The following TTC27 variants were observed in gnomAD, a reference collection of about 807,000 sequenced individuals.
TTC27 encodes the protein tetratricopeptide repeat domain 27.
A neutral mutation model predicts 115.9 loss-of-function variants in TTC27; 79 were observed. The ratio of observed to expected loss-of-function variants is 0.68; its 90% CI spans 0.57 to 0.82. TTC27 has a LOEUF of 0.82. Among genes scored for constraint, TTC27 ranks in the 40% least tolerant of loss-of-function variants. The pLI is 0.00. For missense variants in TTC27, 1,054 were observed against 993.1 expected (o/e 1.06, Z -0.82); for synonymous variants, 401 against 356.0 (o/e 1.13, Z -1.42).
In TTC27 at chr2:32,651,810, A is replaced by G. The variant is rs535682333; in HGVS notation, c.640+1577A>G. Among the ~76,000 whole-genome samples the G allele has an allele frequency of 2.0e-5, 3 of 152,348 alleles. No homozygotes were observed. In the East Asian group the frequency reaches 5.8e-4, roughly 29 times the overall value. On this transcript the variant is annotated intron_variant, in intron 5 of 19. Transcript: ENST00000317907. ...ACATAAACATATGCTAATCTTAGAT[A>G]AAATGACCATCTATACATAATTCAA...
rs148015794 is a variant in TTC27 at position 32,740,721 on chromosome 2, C to G, written c.1452+3905C>G. Among the ~76,000 whole-genome samples the G allele has an allele frequency of 4.3e-3, 653 of 152,322 alleles. 8 individuals are homozygous for G. The highest frequency in any genetic ancestry group is 0.015 in the African/African-American group (632 of 41,588). On this transcript the variant is annotated intron_variant, in intron 12 of 19. Coordinates refer to ENST00000317907, the MANE Select transcript of TTC27 (RefSeq NM_017735.5). ...CCAGGCTGGAGTGCAGTGGCACGATCTTAGCTCACTGCAACCTCCACCTCC... is the reference window on the plus strand; with the variant it reads ...CCAGGCTGGAGTGCAGTGGCACGATGTTAGCTCACTGCAACCTCCACCTCC...
chr2:32,739,136 ATGTT>A (rs1465306823), intron 12 of TTC27, among the ~76,000 whole-genome samples: 1 of 152,320 alleles, frequency 6.6e-6, no homozygotes, highest in African/African-American at 2.4e-5. Context: ...TAGTACTCAG[ATGTT>A]TGTTTAACAA....
intron 19 of TTC27, among the ~76,000 whole-genome samples, chr2:32,818,395 T>TA (rs766551309): frequency 1.3e-5 from 2 of 152,204 alleles, no homozygotes; most frequent in African/African-American, 2.4e-5. Flanking sequence ...GCAAAATTGT[T>TA]AAGGTAGATG....
chr2:32,703,094 T>A (rs1667246297), intron 10 of TTC27, among the ~76,000 whole-genome samples, 174 bp downstream of exon 10: 1 of 152,252 alleles, frequency 6.6e-6, no homozygotes, highest in Admixed American at 6.5e-5. Context: ...AGCCCAGCTC[T>A]GTGACTTAGC....
At chr2:32,628,512 G>T in intron 1 of TTC27, 132 bp downstream of exon 1, 1 of 938,972 alleles carries the variant, frequency 1.1e-6, no homozygotes, top group Non-Finnish European at 1.5e-6. Flanking sequence ...GCTTTGGGTC[G>T]TTTAGTCTTT....
At chr2:32,756,512 G>C (rs1002575992) in intron 12 of TTC27, among the ~76,000 whole-genome samples, 4 of 152,120 alleles carry the variant, frequency 2.6e-5, no homozygotes, top group African/African-American at 7.2e-5. Flanking sequence ...TTCAGATTAG[G>C]TCTAAAAGCA....
chr2:32,646,557 G>GC (rs1664867308), intron 4 of TTC27, among the ~76,000 whole-genome samples: 1 of 114,490 alleles, frequency 8.7e-6, no homozygotes, highest in Middle Eastern at 5.1e-3. Flanking sequence ...TCTATATTTG[G>GC]TTTTTTTTTT....
chr2:32,754,107 TAA>T (rs1052662535), intron 12 of TTC27, among the ~76,000 whole-genome samples: 5 of 146,554 alleles, frequency 3.4e-5, no homozygotes, highest in Non-Finnish European at 6.0e-5. Flanking sequence ...TAAAAATAAA[TAA>T]AAAATTAAAG....
chr2:32,725,937 T>C (rs1052278346), intron 10 of TTC27, among the ~76,000 whole-genome samples: 1 of 152,256 alleles, frequency 6.6e-6, no homozygotes, highest in African/African-American at 2.4e-5. Flanking sequence ...CAACAGAAGC[T>C]GCCAAGGCTT....
chr2:32,776,690 C>G (rs1470784222), intron 13 of TTC27, among the ~76,000 whole-genome samples: 2 of 152,118 alleles, frequency 1.3e-5, no homozygotes, highest in Non-Finnish European at 2.9e-5. Context: ...GTCACTGCAG[C>G]CTCCACCTCC....
chr2:32,676,129 A>G (rs1054348408), intron 8 of TTC27, among the ~76,000 whole-genome samples: 3 of 151,946 alleles, frequency 2.0e-5, no homozygotes, highest in African/African-American at 7.3e-5. Context: ...GATTGGTACA[A>G]CAGTGGGGAT....
chr2:32,695,041 C>T (rs1270540652), intron 9 of TTC27, among the ~76,000 whole-genome samples: 1 of 152,000 alleles, frequency 6.6e-6, no homozygotes, highest in African/African-American at 2.4e-5. Flanking sequence ...TTTTTATATA[C>T]ATAACACAAA....
intron 16 of TTC27, among the ~76,000 whole-genome samples, chr2:32,796,482 A>T (rs1161604552): frequency 2.6e-5 from 4 of 152,214 alleles, no homozygotes; most frequent in Non-Finnish European, 4.4e-5. Flanking sequence ...CTGATTCTAC[A>T]GAAATAAAAA....
At position 32,769,539 on chromosome 2, in the gene TTC27, A is replaced by G. The variant is rs537325222; in HGVS notation, c.1681-8343A>G. On this transcript the variant is annotated intron_variant, in intron 13 of 19. Coordinates refer to ENST00000317907, the MANE Select transcript of TTC27 (RefSeq NM_017735.5). ...ATTTCAAGATACTGGAGACCTTTACATGGAGGAAGGCAGAAATGAAAGACT... is the reference window on the plus strand; with the variant it reads ...ATTTCAAGATACTGGAGACCTTTACGTGGAGGAAGGCAGAAATGAAAGACT... 3.9e-5 allele frequency among the ~76,000 whole-genome samples: 6 copies of G among 152,196 alleles called. No individual in the cohort carries two copies. The South Asian group carries it at 1.0e-3, about 26-fold the overall frequency.
intron 9 of TTC27, among the ~76,000 whole-genome samples, chr2:32,680,124 G>T (rs1219176931): frequency 6.6e-6 from 1 of 152,128 alleles, no homozygotes; most frequent in Non-Finnish European, 1.5e-5. Flanking sequence ...CTCTGGTTGT[G>T]TGTTTTATTT....
At chr2:32,789,871 T>C (rs926675878) in intron 16 of TTC27, among the ~76,000 whole-genome samples, 2 of 128,820 alleles carry the variant, frequency 1.6e-5, no homozygotes, top group South Asian at 2.4e-4. Flanking sequence ...CAGTGAGCCA[T>C]GATCACACCA....
intron 18 of TTC27, among the ~76,000 whole-genome samples, chr2:32,814,265 G>A (rs1231025319): frequency 2.0e-5 from 3 of 152,278 alleles, no homozygotes; most frequent in Non-Finnish European, 4.4e-5. Flanking sequence ...GCATCTTAAA[G>A]TTGGGTTTAA....
intron 2 of TTC27, among the ~76,000 whole-genome samples, chr2:32,632,492 T>C (rs1176077297): frequency 6.6e-6 from 1 of 152,220 alleles, no homozygotes; most frequent in East Asian, 1.9e-4. Flanking sequence ...TTAAAGTGTA[T>C]TTTCAGTTCA....
intron 16 of TTC27, among the ~76,000 whole-genome samples, chr2:32,804,702 G>A (rs978899072): frequency 6.6e-6 from 1 of 151,702 alleles, no homozygotes. Context: ...GTGATTGGCC[G>A]ATGGACCCAA....
Sources: allele counts gnomAD v4.1 joint callset (sites outside exome capture counted in the v4.1 genomes callset), GRCh38; gene constraint gnomAD v4.1.1; transcripts MANE v1.5; gene names NCBI Gene and HGNC (gene_info 2026-07-23, HGNC 2026-07-21).